The following FIP1L1 variants were observed in gnomAD, a reference collection of about 807,000 sequenced individuals.
FIP1L1 encodes pre-mRNA 3'-end-processing factor FIP1.
In FIP1L1, 21 loss-of-function variants were observed where a neutral mutation model predicts 84.6. The ratio of observed to expected loss-of-function variants is 0.25; its 90% CI spans 0.18 to 0.36. The LOEUF (loss-of-function observed/expected upper bound fraction) is 0.36, where lower values mean the gene tolerates loss of function less well. Ranked by LOEUF, FIP1L1 falls within the 10% of genes least tolerant of loss-of-function variation. The pLI is 1.00. For missense variants in FIP1L1, 526 were observed against 751.1 expected (o/e 0.70, Z 3.50); for synonymous variants, 263 against 242.3 (o/e 1.09, Z -0.80).
At chr4:53,438,016 C>G (rs777916207) in intron 13 of FIP1L1, among the ~76,000 whole-genome samples, 7 of 152,032 alleles carry the variant, frequency 4.6e-5, no homozygotes, top group Admixed American at 6.6e-5. Flanking sequence ...TGAGCCACCG[C>G]GCCCGGCCTA....
rs1300906145 is a variant in FIP1L1, at chr4:53,377,667, G to A, written c.-172G>A. The A allele has an allele frequency of 5.1e-6, 3 of 589,694 alleles. No individual in the cohort carries two copies. Among genetic ancestry groups the A allele is most frequent in the South Asian group, 2.4e-5 (1 of 42,358 alleles). The allele number at this position is 589,694 out of a possible 1,614,324, so 36.5% of individuals were successfully genotyped here. ...CGCATGCGCAGACGGACCTGCGCTG[G>A]AGGCTTCATCTTTGCCGCCGCTGCC... On this transcript the variant is annotated 5_prime_UTR_variant, in exon 1 of 18. Coordinates refer to ENST00000337488, the MANE Select transcript of FIP1L1 (RefSeq NM_030917.4).
At chr4:53,445,136 A>G (rs1773641706) in intron 15 of FIP1L1, among the ~76,000 whole-genome samples, 1 of 152,234 alleles carries the variant, frequency 6.6e-6, no homozygotes, top group Non-Finnish European at 1.5e-5. Context: ...GTGCTTATGC[A>G]GGACGTTATA....
intron 9 of FIP1L1, among the ~76,000 whole-genome samples, chr4:53,395,042 A>G (rs554310125): frequency 1.3e-5 from 2 of 152,274 alleles, no homozygotes; most frequent in African/African-American, 4.8e-5. Flanking sequence ...GATTTGTCAG[A>G]TCTGACATAA....
intron 15 of FIP1L1, among the ~76,000 whole-genome samples, chr4:53,449,936 T>A (rs1370822412): frequency 1.3e-5 from 2 of 152,166 alleles, no homozygotes; most frequent in Non-Finnish European, 2.9e-5. Flanking sequence ...GTAGTTGTGA[T>A]CCCTTTTTGC....
At chr4:53,443,214 C>T (rs951787992) in intron 14 of FIP1L1, among the ~76,000 whole-genome samples, 3 of 152,052 alleles carry the variant, frequency 2.0e-5, no homozygotes, top group Admixed American at 1.3e-4. Flanking sequence ...CTAACTAGAA[C>T]GCTGTACAAA....
chr4:53,435,004 C>G (rs1392264767), intron 13 of FIP1L1, among the ~76,000 whole-genome samples: 4 of 152,102 alleles, frequency 2.6e-5, no homozygotes, highest in South Asian at 2.1e-4. Context: ...AATTTTTGGT[C>G]TTACTCAACA....
At chr4:53,379,592 A>T (rs1319064984) in intron 3 of FIP1L1, among the ~76,000 whole-genome samples, 1 of 152,242 alleles carries the variant, frequency 6.6e-6, no homozygotes, top group Non-Finnish European at 1.5e-5. Context: ...TTTTAACTTA[A>T]TTGAAAATGT....
chr4:53,417,220 T>C (rs145540768), intron 11 of FIP1L1, among the ~76,000 whole-genome samples: 24 of 152,314 alleles, frequency 1.6e-4, no homozygotes, highest in Middle Eastern at 6.8e-3. Context: ...CTATACCTAC[T>C]TCTCTCTAAA....
At chr4:53,429,478 A>G (rs58325762) in intron 13 of FIP1L1, among the ~76,000 whole-genome samples, 96 of 152,306 alleles carry the variant, frequency 6.3e-4, no homozygotes, top group African/African-American at 2.2e-3. Context: ...TGTGATTTCT[A>G]TGTGAATCCT....
intron 15 of FIP1L1, among the ~76,000 whole-genome samples, chr4:53,447,103 T>G (rs1177227027): frequency 2.0e-5 from 3 of 152,116 alleles, no homozygotes; most frequent in African/African-American, 7.2e-5. Context: ...GTTGGTGATT[T>G]CTGTTTTACC....
chr4:53,433,593 C>A (rs1767709586), intron 13 of FIP1L1, among the ~76,000 whole-genome samples: 1 of 151,826 alleles, frequency 6.6e-6, no homozygotes, highest in East Asian at 1.9e-4. Flanking sequence ...TGTATGAACT[C>A]TTATCAGCCT....
intron 10 of FIP1L1, among the ~76,000 whole-genome samples, chr4:53,400,112 T>G (rs970602429): frequency 6.6e-6 from 1 of 152,200 alleles, no homozygotes; most frequent in African/African-American, 2.4e-5. Context: ...AGAGACAGTC[T>G]TACATTCAAG....
chr4:53,452,394 C>T (rs1193065886), intron 15 of FIP1L1, among the ~76,000 whole-genome samples: 2 of 151,998 alleles, frequency 1.3e-5, no homozygotes. Flanking sequence ...TCTCTGTTCA[C>T]TGTAACCTCC....
chr4:53,398,269 G>A (rs1046858803), intron 9 of FIP1L1, among the ~76,000 whole-genome samples: 3 of 151,960 alleles, frequency 2.0e-5, no homozygotes, highest in South Asian at 2.1e-4. Flanking sequence ...CCTTAGTGCC[G>A]ATTCTCATCA....
intron 15 of FIP1L1, among the ~76,000 whole-genome samples, chr4:53,450,036 T>G (rs948564525): frequency 2.0e-5 from 3 of 152,118 alleles, no homozygotes; most frequent in African/African-American, 7.2e-5. Flanking sequence ...CAACTTTCAG[T>G]TTTTTTCCAT....
chr4:53,423,195 G>C (rs11947256), intron 11 of FIP1L1, among the ~76,000 whole-genome samples: 1 of 151,904 alleles, frequency 6.6e-6, no homozygotes, highest in Non-Finnish European at 1.5e-5. Flanking sequence ...TGCCAGGAGG[G>C]GAGGTAGAGG....
At chr4:53,428,572 AGATT>A (rs1241458939) in intron 13 of FIP1L1, among the ~76,000 whole-genome samples, 3 of 150,308 alleles carry the variant, frequency 2.0e-5, no homozygotes, top group Admixed American at 1.3e-4. Flanking sequence ...TCTTGCGAAG[AGATT>A]GATTAATATT....
intron 4 of FIP1L1, among the ~76,000 whole-genome samples, chr4:53,382,987 C>T (rs1458850034): frequency 6.6e-6 from 1 of 151,392 alleles, no homozygotes; most frequent in Non-Finnish European, 1.5e-5. Flanking sequence ...TGAGCTTCTA[C>T]TTAACTATTT....
At position 53,391,158 on chromosome 4, in the gene FIP1L1, G is replaced by A. The variant is rs746443199; in HGVS notation, c.636+19G>A. ...AATTACGGTAATTAATAAATACTCC[G>A]GAATACCCTTGGCTTGTCTACCGTC... On this transcript the variant is annotated intron_variant, in intron 8 of 17. Coordinates refer to ENST00000337488, the MANE Select transcript of FIP1L1 (RefSeq NM_030917.4). The A allele has an allele frequency of 8.2e-6, 13 of 1,590,586 alleles. No homozygotes were observed. Among genetic ancestry groups the A allele is most frequent in the African/African-American group, 4.1e-5 (3 of 73,400 alleles).
Sources: gnomAD v4.1 joint callset for allele counts (sites outside exome capture counted in the v4.1 genomes callset) on GRCh38, gnomAD v4.1.1 for gene constraint, MANE v1.5 for transcripts, NCBI Gene and HGNC (gene_info 2026-07-23, HGNC 2026-07-21) for gene names.